The following POMT2 variants were observed in gnomAD, a reference collection of about 807,000 sequenced individuals.
POMT2 encodes the protein protein O-mannosyl-transferase 2.
POMT2 carries 75 observed loss-of-function variants against 100.0 expected under a neutral mutation model. The observed-to-expected ratio is 0.75, with a 90% CI of 0.62 to 0.91. POMT2 has a LOEUF of 0.91. Among genes scored for constraint, POMT2 ranks in the 40% least tolerant of loss-of-function variants. The pLI, the probability that POMT2 is intolerant of heterozygous loss-of-function variation, is 0.00. For synonymous variants in POMT2, 378 were observed against 374.1 expected (o/e 1.01, Z -0.12); for missense variants, 940 against 955.1 (o/e 0.98, Z 0.21).
At chr14:77,296,076 CAGGATG>C in intron 9 of POMT2, 82 bp downstream of exon 9, 1 of 1,073,388 alleles carries the variant, frequency 9.3e-7, no homozygotes, top group East Asian at 2.6e-5. Flanking sequence ...GCAGGGCGAA[CAGGATG>C]AGCAAAGGAT....
chr14:77,320,698 G>A lies in POMT2; in HGVS notation c.-17C>T, dbSNP rs1891861388. 1 of 1,591,350 alleles carries A rather than the reference G, an allele frequency of 6.3e-7. No homozygotes were observed. Among genetic ancestry groups the A allele is most frequent in the Non-Finnish European group, 8.5e-7 (1 of 1,177,284 alleles). On this transcript the variant is annotated 5_prime_UTR_variant, in exon 1 of 21. Coordinates refer to ENST00000261534, the MANE Select transcript of POMT2 (RefSeq NM_013382.7). ...CGGCGGCATCTTCCCCCTCCTCTGG[G>A]TCGCCCTCCGGCCCGGAGGCACACT...
At position 77,285,036 on chromosome 14, in the gene POMT2, C is replaced by A. The variant is rs765843443; in HGVS notation, c.1490G>T (p.Trp497Leu). Residue 497 changes from tryptophan (W) to leucine (L), a missense_variant, in exon 14 of 21, where the codon TGG (tryptophan) becomes TTG (leucine). By Grantham distance (61) the Trp-to-Leu change is moderately conservative (BLOSUM62 -2). Coordinates refer to ENST00000261534, the MANE Select transcript of POMT2 (RefSeq NM_013382.7). The stretch of plus-strand genomic sequence containing the variant: ...GGTGCAAGTAACTTCCAACTGCTCC[C>A]AGCCCCTGTGAAAAGCAGAAGTCAC... ...SSGKVLPKWG[W>L]EQLEVTCTPY... The A allele has an allele frequency of 1.9e-6, 3 of 1,610,754 alleles. No individual in the cohort carries two copies. In the South Asian group the frequency reaches 3.3e-5, roughly 18 times the overall value.
Position 77,281,839 on chromosome 14 carries a change from G to A in POMT2, c.1654-1376C>T, listed in dbSNP as rs558787044. On this transcript the variant is annotated intron_variant, in intron 15 of 20. Coordinates refer to ENST00000261534, the MANE Select transcript of POMT2 (RefSeq NM_013382.7). ...CTCCACAGATGGCCAAAAGTCCCGA[G>A]AGGCAAAATCACCCTCAATTAAGAA... 1.1e-4 allele frequency among the ~76,000 whole-genome samples: 17 copies of A among 152,256 alleles called. No individual in the cohort carries two copies. In the East Asian group the frequency reaches 3.1e-3, roughly 28 times the overall value.
In POMT2 at chr14:77,278,580, C is replaced by G. The variant is rs111521405; in HGVS notation, c.2033-72G>C. 177 of 1,455,438 alleles carry G rather than the reference C, an allele frequency of 1.2e-4. 1 individual carries two copies. In the African/African-American group the frequency reaches 2.2e-3, roughly 18 times the overall value. 90.2% of individuals were successfully genotyped at this position (1,455,438 alleles called of 1,614,324 possible). On this transcript the variant is annotated intron_variant, in intron 19 of 20. Coordinates refer to ENST00000261534, the MANE Select transcript of POMT2 (RefSeq NM_013382.7). ...TTCTGGGCTACAGAAGAAGGAGGCACTCCAAGTCAAGGAGCAGAGAGTCAC... is the reference window on the plus strand; with the variant it reads ...TTCTGGGCTACAGAAGAAGGAGGCAGTCCAAGTCAAGGAGCAGAGAGTCAC...
chr14:77,315,175 G>T (rs553074275), intron 1 of POMT2, among the ~76,000 whole-genome samples: 1 of 152,298 alleles, frequency 6.6e-6, no homozygotes, highest in Non-Finnish European at 1.5e-5. Context: ...ACACACAGAG[G>T]TTACTGCAGA....
rs778883504 is a variant in POMT2 at position 77,279,764 on chromosome 14, A to G, written c.1891+59T>C. 17 of 1,534,750 alleles carry G rather than the reference A, an allele frequency of 1.1e-5. No individual in the cohort carries two copies. The South Asian group carries it at 2.0e-4, about 18-fold the overall frequency. On this transcript the variant is annotated intron_variant, in intron 18 of 20. Coordinates refer to ENST00000261534, the MANE Select transcript of POMT2 (RefSeq NM_013382.7). ...CATCAGCAGGCAGCCGGCCCTCCCC[A>G]GGGGTGCAGGTGCCCTGCTGCCGCC...
At chr14:77,301,507 A>G (rs915220158) in intron 5 of POMT2, among the ~76,000 whole-genome samples, 1 of 152,136 alleles carries the variant, frequency 6.6e-6, no homozygotes, top group African/African-American at 2.4e-5. Flanking sequence ...GGCTAAGTAC[A>G]GGGCTCAGGG....
chr14:77,318,064 GT>G (rs1891693635), intron 1 of POMT2, among the ~76,000 whole-genome samples: 1 of 152,194 alleles, frequency 6.6e-6, no homozygotes, highest in African/African-American at 2.4e-5. Flanking sequence ...TGAAGTTATA[GT>G]TACTAGGGTA....
chr14:77,307,858 C>CTTTTTTTTTTTTTTTT (rs57755259), intron 2 of POMT2, among the ~76,000 whole-genome samples: 1 of 101,228 alleles, frequency 9.9e-6, no homozygotes, highest in South Asian at 3.2e-4. Context: ...TTAATTTCTT[C>CTTTTTTTTTTTTTTTT]TTTTTTTTTT....
chr14:77,285,312 G>A (rs1347104623), intron 13 of POMT2, 169 bp downstream of exon 13: 8 of 901,662 alleles, frequency 8.9e-6, no homozygotes, highest in Admixed American at 2.7e-5. Flanking sequence ...AAGCTCCCCC[G>A]GAGTTCTGTG....
chr14:77,303,212 C>A (rs1891113964), intron 4 of POMT2, among the ~76,000 whole-genome samples: 1 of 152,078 alleles, frequency 6.6e-6, no homozygotes. Context: ...TCCCTCAGAC[C>A]AGCCCTGAGA....
At position 77,292,895 on chromosome 14, in the gene POMT2, G is replaced by T. The variant is rs151132391; in HGVS notation, c.1117-1515C>A. On this transcript the variant is annotated intron_variant, in intron 9 of 20. Transcript: ENST00000261534. Reference sequence around the variant, plus strand: ...GGTGTGTGGTAGGCTGGACCACCTAGGTTTGTGTAAGTACATACTATGATG... The same window carrying T: ...GGTGTGTGGTAGGCTGGACCACCTATGTTTGTGTAAGTACATACTATGATG... Among the ~76,000 whole-genome samples, 81 of 152,240 alleles carry T rather than the reference G, an allele frequency of 5.3e-4. No individual in the cohort carries two copies. In the South Asian group the frequency reaches 5.6e-3, roughly 11 times the overall value.
intron 4 of POMT2, 128 bp from the exon 5 acceptor site, chr14:77,303,071 A>G (rs1013655390): frequency 1.1e-5 from 8 of 740,632 alleles, no homozygotes; most frequent in Non-Finnish European, 1.9e-5. Context: ...TGCAGTCAGG[A>G]CTAGAGTCAA....
intron 8 of POMT2, among the ~76,000 whole-genome samples, chr14:77,296,659 A>G (rs1325938889): frequency 6.6e-6 from 1 of 152,004 alleles, no homozygotes; most frequent in Non-Finnish European, 1.5e-5. Flanking sequence ...TTGACAAACC[A>G]TTTTTTTCAC....
rs1891229800 is a variant in POMT2 at position 77,306,363 on chromosome 14, G to A, written c.412C>T (p.His138Tyr). 1.2e-6 allele frequency: 2 copies of A among 1,612,920 alleles called. No homozygotes were observed. Among genetic ancestry groups the A allele is most frequent in the Non-Finnish European group, 1.7e-6 (2 of 1,179,096 alleles). The change falls in exon 3 of 21, where the codon CAT becomes TAT. Residue 138 changes from histidine (H) to tyrosine (Y), a missense_variant. Transcript: ENST00000261534. ...LFQKPGDKYE[H>Y]HSYMGMRGFC... is the part of the protein sequence containing the mutation. ...CCTCTCATTCCCATGTAGCTGTGAT[G>A]CTCATATTTATCCCCAGGCTTCTGG...
At chr14:77,285,233 T>C (rs1038406693) in intron 13 of POMT2, 192 bp from the exon 14 acceptor site, 4 of 715,632 alleles carry the variant, frequency 5.6e-6, no homozygotes, top group South Asian at 1.8e-5. Flanking sequence ...GAAAAAGACA[T>C]AGACCCAGAG....
At chr14:77,309,329 AT>A (rs1891356834) in intron 2 of POMT2, among the ~76,000 whole-genome samples, 1 of 152,066 alleles carries the variant, frequency 6.6e-6, no homozygotes, top group African/African-American at 2.4e-5. Flanking sequence ...TTCCTGTCTT[AT>A]GTTTTAAGTT....
chr14:77,278,915 G>C (rs1168145592), intron 18 of POMT2, 46 bp from the exon 19 acceptor site: 1 of 1,592,412 alleles, frequency 6.3e-7, no homozygotes, highest in South Asian at 1.1e-5. Context: ...GGAGCGGGCA[G>C]AGATTCCAGG....
At chr14:77,315,534 C>G (rs1891593129) in intron 1 of POMT2, among the ~76,000 whole-genome samples, 1 of 152,220 alleles carries the variant, frequency 6.6e-6, no homozygotes, top group Admixed American at 6.5e-5. Flanking sequence ...TGGGCCTCTT[C>G]AATGTACTAT....
Sources: gnomAD v4.1 joint callset for allele counts (sites outside exome capture counted in the v4.1 genomes callset) on GRCh38, gnomAD v4.1.1 for gene constraint, MANE v1.5 for transcripts, NCBI Gene and HGNC (gene_info 2026-07-23, HGNC 2026-07-21) for gene names.